TENM2: variants seen among roughly 807,000 people sequenced by gnomAD.
TENM2 encodes teneurin transmembrane protein 2.
Under a neutral mutation model 245.2 loss-of-function variants are expected in TENM2, and 52 were observed. That is an observed-to-expected ratio of 0.21 (90% confidence interval 0.17 to 0.27). TENM2 has a LOEUF of 0.27. TENM2 is among the 10% of genes least tolerant of loss of function. The pLI is 1.00. For synonymous variants in TENM2, 1,363 were observed against 1,438.9 expected (o/e 0.95, Z 1.19); for missense variants, 3,046 against 3,666.8 (o/e 0.83, Z 4.37).
At chr5:167,933,567 A>G (rs895887564) in intron 3 of TENM2, among the ~76,000 whole-genome samples, 2 of 152,174 alleles carry the variant, frequency 1.3e-5, no homozygotes, top group Non-Finnish European at 2.9e-5. Context: ...TTATATCCAC[A>G]CAGCATGGTT....
At chr5:167,011,066 A>G in the TENM2 span, among the ~76,000 whole-genome samples, 1 of 152,234 alleles carries the variant, frequency 6.6e-6, no homozygotes, top group South Asian at 2.1e-4. Flanking sequence ...TGAACATCCA[A>G]AAATCTTTAT....
rs1765719740 is a variant in TENM2 at position 167,801,112 on chromosome 5, ATATATATATATATATATATATAT to A, written c.503-74873_503-74851del. On this transcript the variant is annotated intron_variant, in intron 2 of 28. Transcript: ENST00000518659. ...TTTGAAAAGAAAAAAAAAAAAAAAT[ATATATATATATATATATATATAT>A]ATATATATATATATATATGTATATA... Among the ~76,000 whole-genome samples, 26 of 51,008 alleles carry A rather than the reference ATATATATATATATATATATATAT, an allele frequency of 5.1e-4. 1 individual carries two copies. Among genetic ancestry groups the A allele is most frequent in the Admixed American group, 1.2e-3 (4 of 3,238 alleles). The allele number at this position is 51,008 out of a possible 152,430, so 33.5% of individuals were successfully genotyped here.
chr5:167,095,895 C>A, the TENM2 span, among the ~76,000 whole-genome samples: 1 of 151,694 alleles, frequency 6.6e-6, no homozygotes, highest in African/African-American at 2.4e-5. Flanking sequence ...CTCAGCCTCC[C>A]AAGTAGCTAG....
chr5:168,102,230 T>C (rs1428996897), intron 9 of TENM2, among the ~76,000 whole-genome samples: 1 of 152,074 alleles, frequency 6.6e-6, no homozygotes, highest in Non-Finnish European at 1.5e-5. Context: ...TGTGCCACCA[T>C]GAATGGCTAA....
intron 1 of TENM2, among the ~76,000 whole-genome samples, chr5:167,329,244 T>G (rs561423278): frequency 6.6e-6 from 1 of 152,026 alleles, no homozygotes; most frequent in African/African-American, 2.4e-5. Flanking sequence ...ATTAGAAAAT[T>G]TTTAAAGAGA....
At chr5:167,020,229 G>T in the TENM2 span, among the ~76,000 whole-genome samples, 1 of 152,134 alleles carries the variant, frequency 6.6e-6, no homozygotes, top group Non-Finnish European at 1.5e-5. Context: ...AGGTCAGGAG[G>T]AATTTTACTC....
At chr5:167,731,331 G>T (rs1191475957) in intron 2 of TENM2, among the ~76,000 whole-genome samples, 3 of 151,748 alleles carry the variant, frequency 2.0e-5, no homozygotes, top group Non-Finnish European at 4.4e-5. Flanking sequence ...GCTGAAATTT[G>T]CTGGCACCTG....
At chr5:167,177,098 A>T in the TENM2 span, among the ~76,000 whole-genome samples, 2 of 152,198 alleles carry the variant, frequency 1.3e-5, no homozygotes, top group Admixed American at 6.5e-5. Flanking sequence ...AGCCAGGTGT[A>T]GTTCAGTCAA....
the TENM2 span, among the ~76,000 whole-genome samples, chr5:167,213,113 T>C: frequency 5.3e-5 from 8 of 152,352 alleles, no homozygotes; most frequent in South Asian, 1.4e-3. Context: ...TTCAAATACC[T>C]GGTGTTTCGT....
At chr5:166,981,357 A>C in the TENM2 span, among the ~76,000 whole-genome samples, 1 of 152,154 alleles carries the variant, frequency 6.6e-6, no homozygotes, top group Non-Finnish European at 1.5e-5. Context: ...GTGGGGGGAA[A>C]ATCCAGCTTG....
At chr5:168,235,442 A>G (rs1222927729) in intron 25 of TENM2, among the ~76,000 whole-genome samples, 2 of 152,226 alleles carry the variant, frequency 1.3e-5, no homozygotes, top group Non-Finnish European at 2.9e-5. Context: ...GGAAAAGTGG[A>G]AAAACCCTAA....
chr5:167,768,348 A>G (rs1190823654), intron 2 of TENM2, among the ~76,000 whole-genome samples: 4 of 152,208 alleles, frequency 2.6e-5, no homozygotes, highest in Non-Finnish European at 5.9e-5. Context: ...TTTTTAAACT[A>G]TTGAAAATCC....
At chr5:167,628,196 C>A (rs1390596447) in intron 2 of TENM2, among the ~76,000 whole-genome samples, 3 of 152,182 alleles carry the variant, frequency 2.0e-5, no homozygotes, top group Admixed American at 1.3e-4. Context: ...AGGTCTTCAG[C>A]CCTCTTCTGT....
intron 2 of TENM2, among the ~76,000 whole-genome samples, chr5:167,766,331 G>A (rs74543280): frequency 0.015 from 2,319 of 152,236 alleles, 62 homozygotes; most frequent in East Asian, 0.12. Flanking sequence ...AAAACAAGGG[G>A]ACACAGTGGG....
intron 5 of TENM2, among the ~76,000 whole-genome samples, chr5:168,018,040 T>G (rs1314661492): frequency 6.6e-6 from 1 of 152,228 alleles, no homozygotes; most frequent in Admixed American, 6.5e-5. Context: ...CTGTCTTTGT[T>G]TAAGCTTAAA....
chr5:167,128,167 G>A, the TENM2 span, among the ~76,000 whole-genome samples: 1 of 152,146 alleles, frequency 6.6e-6, no homozygotes, highest in Non-Finnish European at 1.5e-5. Context: ...TTTGAGGAGT[G>A]AATGAAATGA....
intron 2 of TENM2, among the ~76,000 whole-genome samples, chr5:167,411,864 T>C (rs150350803): frequency 1.2e-3 from 126 of 103,042 alleles, no homozygotes; most frequent in South Asian, 2.8e-3. Flanking sequence ...TATTCATGTC[T>C]AAATACATTT....
At chr5:168,138,419 T>C (rs1755253219) in intron 12 of TENM2, among the ~76,000 whole-genome samples, 2 of 152,258 alleles carry the variant, frequency 1.3e-5, no homozygotes, top group Non-Finnish European at 2.9e-5. Context: ...GTTTCCCAAA[T>C]GTGTCTTCAC....
At chr5:167,594,023 A>G (rs1488820947) in intron 2 of TENM2, among the ~76,000 whole-genome samples, 1 of 152,184 alleles carries the variant, frequency 6.6e-6, no homozygotes. Flanking sequence ...ATGCATACTT[A>G]GACTCTTTTC....
Sources: allele counts gnomAD v4.1 joint callset (sites outside exome capture counted in the v4.1 genomes callset), GRCh38; gene constraint gnomAD v4.1.1; transcripts MANE v1.5; gene names NCBI Gene and HGNC (gene_info 2026-07-23, HGNC 2026-07-21).